The following TRDN variants were observed in gnomAD, a reference collection of about 807,000 sequenced individuals.
TRDN encodes triadin in skeletal muscle.
A neutral mutation model predicts 149.7 loss-of-function variants in TRDN; 161 were observed. That is an observed-to-expected ratio of 1.08 (90% CI 0.95 to 1.23). The LOEUF is 1.23. Among genes scored for constraint, TRDN ranks in the 50% most tolerant of loss-of-function variants. TRDN has a pLI of 0.00. For missense variants in TRDN, 896 were observed against 823.5 expected (o/e 1.09, Z -1.08); for synonymous variants, 294 against 250.5 (o/e 1.17, Z -1.64).
chr6:123,216,667 A>G lies in TRDN; in HGVS notation c.*1934T>C, dbSNP rs1001485745. On this transcript the variant is annotated 3_prime_UTR_variant, in exon 41 of 41. Transcript: ENST00000334268. Reference sequence around the variant, plus strand: ...TTTTATTTGTCTCCATGGTATTTCTATGAGATATTAGACTGTTTGTCCCTA... The same window carrying G: ...TTTTATTTGTCTCCATGGTATTTCTGTGAGATATTAGACTGTTTGTCCCTA... The G allele has an allele frequency of 5.1e-4, 77 of 152,052 alleles. No individual in the cohort carries two copies. The highest frequency in any genetic ancestry group is 1.8e-3 in the African/African-American group (75 of 41,554). The allele number at this position is 152,052 out of a possible 1,614,324, so 9.4% of individuals were successfully genotyped here.
chr6:123,226,857 A>G (rs1042067121), intron 38 of TRDN, among the ~76,000 whole-genome samples: 1 of 151,834 alleles, frequency 6.6e-6, no homozygotes, highest in African/African-American at 2.4e-5. Context: ...TTAAAGAGTG[A>G]CCTGCTTTGT....
At chr6:123,464,638 C>T (rs190418017) in intron 10 of TRDN, 2 of 1,193,358 alleles carry the variant, frequency 1.7e-6, no homozygotes, top group African/African-American at 3.1e-5. Flanking sequence ...TCTATTTGTC[C>T]CTATATTTTT....
intron 31 of TRDN, among the ~76,000 whole-genome samples, chr6:123,268,359 T>A (rs940540101): frequency 5.9e-5 from 9 of 151,962 alleles, no homozygotes; most frequent in African/African-American, 1.7e-4. Context: ...GAAATAAAAA[T>A]GTATGAGTAA....
intron 24 of TRDN, among the ~76,000 whole-genome samples, chr6:123,302,734 G>A (rs983309939): frequency 1.3e-5 from 2 of 152,072 alleles, no homozygotes; most frequent in Non-Finnish European, 2.9e-5. Flanking sequence ...AGTACTGAAT[G>A]TCTATAAATT....
intron 12 of TRDN, among the ~76,000 whole-genome samples, chr6:123,414,083 G>A (rs1043567625): frequency 1.1e-4 from 16 of 152,050 alleles, no homozygotes; most frequent in Non-Finnish European, 2.4e-4. Context: ...CAATTTCTCT[G>A]ATCTTCAAGT....
At chr6:123,368,157 A>G (rs746656828) in intron 19 of TRDN, among the ~76,000 whole-genome samples, 9 of 152,148 alleles carry the variant, frequency 5.9e-5, no homozygotes, top group Non-Finnish European at 1.3e-4. Flanking sequence ...TCCTCCACAT[A>G]CCAAGGTGTA....
At chr6:123,282,641 C>G (rs1314609696) in intron 24 of TRDN, among the ~76,000 whole-genome samples, 1 of 151,684 alleles carries the variant, frequency 6.6e-6, no homozygotes, top group South Asian at 2.1e-4. Flanking sequence ...AAAAAGTAAA[C>G]TTTCCAAATA....
chr6:123,455,975 G>A (rs568622989), intron 10 of TRDN, among the ~76,000 whole-genome samples: 127 of 152,124 alleles, frequency 8.3e-4, no homozygotes, highest in African/African-American at 2.7e-3. Context: ...TTCTTTTCAT[G>A]ACTAAATTAT....
At chr6:123,431,274 A>C (rs1774329253) in intron 12 of TRDN, among the ~76,000 whole-genome samples, 1 of 152,164 alleles carries the variant, frequency 6.6e-6, no homozygotes, top group African/African-American at 2.4e-5. Context: ...TACTGATTAA[A>C]CCAGGTCTAA....
intron 38 of TRDN, among the ~76,000 whole-genome samples, chr6:123,245,945 G>C (rs568405934): frequency 6.6e-6 from 1 of 152,010 alleles, no homozygotes; most frequent in African/African-American, 2.4e-5. Context: ...CCTCAAAACC[G>C]CAAAACTACA....
At chr6:123,401,393 G>T (rs1772965733) in intron 12 of TRDN, among the ~76,000 whole-genome samples, 1 of 152,082 alleles carries the variant, frequency 6.6e-6, no homozygotes, top group Admixed American at 6.5e-5. Flanking sequence ...ATTAAACAGG[G>T]GGTTAGGGGT....
At chr6:123,357,216 T>C (rs1780716103) in intron 20 of TRDN, among the ~76,000 whole-genome samples, 2 of 152,122 alleles carry the variant, frequency 1.3e-5, no homozygotes, top group South Asian at 4.1e-4. Flanking sequence ...TCTAGAATTG[T>C]TCCTAACATA....
At chr6:123,219,970 A>G (rs1775087410) in intron 40 of TRDN, among the ~76,000 whole-genome samples, 1 of 151,838 alleles carries the variant, frequency 6.6e-6, no homozygotes, top group Admixed American at 6.6e-5. Context: ...TATTTAATTG[A>G]TGTTGAATAA....
intron 40 of TRDN, among the ~76,000 whole-genome samples, chr6:123,219,275 G>T (rs1775057096): frequency 1.3e-5 from 2 of 151,942 alleles, no homozygotes; most frequent in South Asian, 4.1e-4. Context: ...GTAGCAGCCA[G>T]GTAGCAGCTC....
chr6:123,522,059 T>C (rs1188505430), intron 5 of TRDN, among the ~76,000 whole-genome samples: 1 of 152,162 alleles, frequency 6.6e-6, no homozygotes, highest in Non-Finnish European at 1.5e-5. Flanking sequence ...CCTGCCAGAA[T>C]ACACCCTATT....
intron 24 of TRDN, among the ~76,000 whole-genome samples, chr6:123,304,202 T>C (rs1175728848): frequency 6.6e-6 from 1 of 151,966 alleles, no homozygotes; most frequent in East Asian, 1.9e-4. Context: ...AGAAATGCAG[T>C]TACAGAACTG....
At chr6:123,537,507 AG>A in intron 4 of TRDN, among the ~76,000 whole-genome samples, 1 of 152,166 alleles carries the variant, frequency 6.6e-6, no homozygotes, top group Non-Finnish European at 1.5e-5. Flanking sequence ...AATTACTCAA[AG>A]GGTGTAATCT....
At chr6:123,219,265 G>A (rs1226198452) in intron 40 of TRDN, among the ~76,000 whole-genome samples, 1 of 151,796 alleles carries the variant, frequency 6.6e-6, no homozygotes, top group African/African-American at 2.4e-5. Flanking sequence ...AGCAACAAAG[G>A]TAGCAGCCAG....
At position 123,366,137 on chromosome 6, in the gene TRDN, T is replaced by G. The variant is rs1193283911; in HGVS notation, c.1319A>C (p.Lys440Thr). Residue 440 changes from lysine (K) to threonine (T), a missense_variant and splice_region_variant, in exon 20 of 41, where the codon AAA becomes ACA. Coordinates refer to ENST00000334268, the MANE Select transcript of TRDN (RefSeq NM_006073.4). ...CTTTATCTTTAAGCTGCATTTACCT[T>G]TTTTAATTGAAACCGCACCAATCTC... ...KEEIGAVSIKKAVPGKKEEKT... is the reference protein window; with the variant it reads ...KEEIGAVSIKTAVPGKKEEKT... The G allele has an allele frequency of 6.2e-7, 1 of 1,611,948 alleles. No homozygotes were observed. The highest frequency in any genetic ancestry group is 1.1e-5 in the South Asian group (1 of 90,874).
Sources: gnomAD v4.1 joint callset for allele counts (sites outside exome capture counted in the v4.1 genomes callset) on GRCh38, gnomAD v4.1.1 for gene constraint, MANE v1.5 for transcripts, NCBI Gene and HGNC (gene_info 2026-07-23, HGNC 2026-07-21) for gene names.